The following RUNX3 variants were observed in gnomAD, a reference collection of about 807,000 sequenced individuals.
RUNX3 encodes runt-related transcription factor 3.
A neutral mutation model predicts 27.7 loss-of-function variants in RUNX3; 10 were observed. The ratio of observed to expected loss-of-function variants is 0.36; its 90% CI spans 0.22 to 0.61. The LOEUF is 0.61. Ranked by LOEUF, RUNX3 falls within the 20% of genes least tolerant of loss-of-function variation. The probability of loss-of-function intolerance (pLI) is 0.72; values close to 1 mark genes in which losing one functional copy is unlikely to be tolerated. For synonymous variants in RUNX3, 270 were observed against 269.2 expected (o/e 1.00, Z -0.03); for missense variants, 469 against 629.5 (o/e 0.75, Z 2.73).
chr1:24,951,862 G>A (rs1040365887), intron 2 of RUNX3, among the ~76,000 whole-genome samples: 3 of 152,144 alleles, frequency 2.0e-5, no homozygotes, highest in Non-Finnish European at 2.9e-5. Context: ...GGGTTGTGAG[G>A]ATTAAATGAG....
chr1:24,905,260 T>C (rs1268172737), intron 4 of RUNX3, among the ~76,000 whole-genome samples: 1 of 152,200 alleles, frequency 6.6e-6, no homozygotes, highest in Non-Finnish European at 1.5e-5. Context: ...AGGGACCTCC[T>C]TCTCCCCACT....
intron 2 of RUNX3, among the ~76,000 whole-genome samples, chr1:24,950,603 G>T (rs1400528876): frequency 6.6e-6 from 1 of 152,226 alleles, no homozygotes; most frequent in Non-Finnish European, 1.5e-5. Flanking sequence ...ACAGGTGGCT[G>T]GGCGTGGGGT....
At chr1:24,947,251 C>T (rs1641631073) in intron 2 of RUNX3, among the ~76,000 whole-genome samples, 1 of 152,192 alleles carries the variant, frequency 6.6e-6, no homozygotes, top group Admixed American at 6.5e-5. Flanking sequence ...TGGCTGCCTG[C>T]TACCCAATGG....
intron 2 of RUNX3, among the ~76,000 whole-genome samples, chr1:24,948,355 G>A (rs897210798): frequency 1.3e-5 from 2 of 152,180 alleles, no homozygotes; most frequent in African/African-American, 4.8e-5. Flanking sequence ...TGTGAGGGTG[G>A]TGTGTGTTCA....
rs1361888380 is a variant in RUNX3 at position 24,901,989 on chromosome 1, T to TGGGACCACCCTGGGACC, written c.*116_*132dup. 1 of 828,096 alleles carries TGGGACCACCCTGGGACC rather than the reference T, an allele frequency of 1.2e-6. No individual in the cohort carries two copies. The highest frequency in any genetic ancestry group is 1.7e-5 in the African/African-American group (1 of 57,928). The allele number at this position is 828,096 out of a possible 1,614,324, so 51.3% of individuals were successfully genotyped here. On this transcript the variant is annotated 3_prime_UTR_variant, in exon 5 of 5. Transcript: ENST00000308873. ...GATGCAGCCAGAGGCTCCCACCAGC[T>TGGGACCACCCTGGGACC]GGGACCACCCTGGGACCGAGACCAC... is the stretch of plus-strand genomic sequence containing the variant.
In RUNX3 at chr1:24,927,716, C is replaced by T. The variant is rs917636891; in HGVS notation, c.297G>A (p.Gly99=). 1 of 1,614,042 alleles carries T rather than the reference C, an allele frequency of 6.2e-7. No homozygotes were observed. Among genetic ancestry groups the T allele is most frequent in the South Asian group, 1.1e-5 (1 of 91,076 alleles). The change falls in exon 2 of 5, where the codon GGG becomes GGA. Residue 99 remains glycine, a synonymous_variant. Coordinates refer to ENST00000308873, the MANE Select transcript of RUNX3 (RefSeq NM_004350.3). This position sits in a 1 kb window ranked among gnomAD's most constrained non-coding sequence, Gnocchi z 5.0. ...TCACCACCGTACCATCCGGCACGTCCCCCAATGCCACCACCTGAAGACACG... is the reference window on the plus strand; with the variant it reads ...TCACCACCGTACCATCCGGCACGTCTCCCAATGCCACCACCTGAAGACACG... ...LPVAFKVVAL[G]DVPDGTVVTV...
exon 2 of RUNX3, chr1:24,964,524 G>C (rs1179059601): frequency 1.9e-6 from 3 of 1,610,980 alleles, no homozygotes; most frequent in Non-Finnish European, 2.5e-6. Flanking sequence ...CGCGGATGAA[G>C]GTCGGCGAGT....
At chr1:24,914,658 G>A (rs1191740297) in intron 3 of RUNX3, among the ~76,000 whole-genome samples, 2 of 152,162 alleles carry the variant, frequency 1.3e-5, no homozygotes, top group Admixed American at 6.5e-5. Context: ...CCCTCCTGCT[G>A]GGCAGACTCC....
chr1:24,934,763 T>A (rs1009479589), upstream of RUNX3, among the ~76,000 whole-genome samples: 3 of 152,144 alleles, frequency 2.0e-5, no homozygotes, highest in African/African-American at 7.2e-5. Flanking sequence ...GCCAAGCATG[T>A]CAGCACTCTC....
At chr1:24,932,064 C>T (rs1641241817), upstream of RUNX3, among the ~76,000 whole-genome samples, 1 of 152,230 alleles carries the variant, frequency 6.6e-6, no homozygotes. Flanking sequence ...ACGTGCTGCC[C>T]TCGAGCAGGT....
At position 24,901,833 on chromosome 1, in the gene RUNX3, C is replaced by A. The variant is rs561722581; in HGVS notation, c.*289G>T. On this transcript the variant is annotated 3_prime_UTR_variant, in exon 5 of 5. Coordinates refer to ENST00000308873, the MANE Select transcript of RUNX3 (RefSeq NM_004350.3). ...ATAGCTGGAGACAGTGAGGTCCTTC[C>A]GGGGGGGTGGCAGGAGGCTGATTCC... is the stretch of plus-strand genomic sequence containing the variant. The A allele has an allele frequency of 1.2e-5, 5 of 433,662 alleles. No individual in the cohort carries two copies. Among genetic ancestry groups the A allele is most frequent in the African/African-American group, 1.0e-4 (5 of 48,748 alleles). The allele number at this position is 433,662 out of a possible 1,614,324, so 26.9% of individuals were successfully genotyped here.
chr1:24,930,604 G>A (rs941961362), upstream of RUNX3, among the ~76,000 whole-genome samples: 1 of 152,066 alleles, frequency 6.6e-6, no homozygotes, highest in African/African-American at 2.4e-5. The surrounding 1 kb of genome is among the most constrained non-coding windows in gnomAD (Gnocchi z 4.1). Context: ...ACGCTGGGGC[G>A]CAACCCCTTC....
chr1:24,944,434 C>T (rs1641555388), intron 2 of RUNX3, among the ~76,000 whole-genome samples: 1 of 152,212 alleles, frequency 6.6e-6, no homozygotes, highest in Admixed American at 6.5e-5. Context: ...TCTCTGGTCT[C>T]CTGTGGTAGG....
At chr1:24,959,489 G>C (rs1005796847) in intron 2 of RUNX3, among the ~76,000 whole-genome samples, 2 of 152,204 alleles carry the variant, frequency 1.3e-5, no homozygotes, top group Admixed American at 1.3e-4. Flanking sequence ...CGGTCAGTCT[G>C]TTCCTCTCCC....
rs576758010 is a variant in RUNX3 at position 24,942,175 on chromosome 1, G to A, written c.59-12323C>T. Among the ~76,000 whole-genome samples the A allele has an allele frequency of 4.7e-5, 7 of 150,254 alleles. No individual in the cohort carries two copies. In the East Asian group the frequency reaches 7.7e-4, roughly 17 times the overall value. On this transcript the variant is annotated intron_variant, in intron 2 of 6. Coordinates refer to the RUNX3 transcript ENST00000338888. ...CCTTAGCAGCTCTGAGCTTAGATGA[G>A]GGGGGGAGATGAGATGGAAAGGAAA...
At position 24,915,520 on chromosome 1, in the gene RUNX3, G is replaced by A. The variant is rs113473887; in HGVS notation, c.544+3720C>T. 2.3e-3 allele frequency among the ~76,000 whole-genome samples: 355 copies of A among 152,312 alleles called. 3 individuals are homozygous for A. Among genetic ancestry groups the A allele is most frequent in the African/African-American group, 8.2e-3 (339 of 41,566 alleles). ...TAGAAGGTGGTAGTGGTAAGTGCTC[G>A]GGGTAACCTTAAAGCCAGGAAGGAA... On this transcript the variant is annotated intron_variant, in intron 3 of 4. Transcript: ENST00000308873.
chr1:24,915,839 G>A (rs1640879709), intron 3 of RUNX3, among the ~76,000 whole-genome samples: 2 of 152,280 alleles, frequency 1.3e-5, no homozygotes, highest in South Asian at 4.1e-4. Context: ...CGTGGTCCAT[G>A]CCAGACTTGC....
intron 3 of RUNX3, 56 bp downstream of exon 3, chr1:24,919,183 TC>T: frequency 9.0e-7 from 1 of 1,111,738 alleles, no homozygotes; most frequent in Middle Eastern, 2.2e-4. Context: ...CTGCTGTCCT[TC>T]CCGCACTGGA....
chr1:24,915,213 C>G (rs753713365), intron 3 of RUNX3, among the ~76,000 whole-genome samples: 66 of 152,118 alleles, frequency 4.3e-4, no homozygotes, highest in Non-Finnish European at 4.9e-4. Context: ...CACTTGAGGT[C>G]GGGAGTTCAA....
Sources: gnomAD v4.1 joint callset for allele counts (sites outside exome capture counted in the v4.1 genomes callset) on GRCh38, gnomAD v4.1.1 for gene constraint, Gnocchi (gnomAD v3.1) non-coding constraint, MANE v1.5 for transcripts, NCBI Gene and HGNC (gene_info 2026-07-23, HGNC 2026-07-21) for gene names.